The following DENND2C variants were observed in gnomAD, a reference collection of about 807,000 sequenced individuals.
The protein encoded by DENND2C is DENN domain containing 2C.
A neutral mutation model predicts 112.4 loss-of-function variants in DENND2C; 72 were observed. That is an observed-to-expected ratio of 0.64 (90% CI 0.53 to 0.78). The LOEUF (loss-of-function observed/expected upper bound fraction) is 0.78. DENND2C is among the 30% of genes least tolerant of loss of function. The pLI is 0.00. For synonymous variants in DENND2C, 329 were observed against 381.6 expected (o/e 0.86, Z 1.61); for missense variants, 992 against 1,113.8 (o/e 0.89, Z 1.56).
intron 3 of DENND2C, among the ~76,000 whole-genome samples, chr1:114,637,496 C>A (rs563721430): frequency 6.6e-6 from 1 of 151,872 alleles, no homozygotes; most frequent in South Asian, 2.1e-4. Flanking sequence ...AGATATTACA[C>A]ATTAATGTAC....
chr1:114,631,347 G>A (rs1454677250), intron 3 of DENND2C, among the ~76,000 whole-genome samples: 1 of 151,914 alleles, frequency 6.6e-6, no homozygotes, highest in African/African-American at 2.4e-5. Context: ...AAGCCTTGGC[G>A]ACAGAGCAAG....
intron 3 of DENND2C, among the ~76,000 whole-genome samples, chr1:114,642,224 T>C (rs186804045): frequency 2.0e-4 from 31 of 152,326 alleles, no homozygotes; most frequent in Non-Finnish European, 1.5e-4. Flanking sequence ...GTGCTAGGAT[T>C]ACAGGTGTGA....
intron 3 of DENND2C, among the ~76,000 whole-genome samples, chr1:114,629,203 C>A (rs1656423549): frequency 6.6e-6 from 1 of 152,170 alleles, no homozygotes; most frequent in Non-Finnish European, 1.5e-5. Context: ...AATGGACAAT[C>A]TCAACAAAAG....
chr1:114,621,270 A>T (rs977994108), intron 7 of DENND2C, among the ~76,000 whole-genome samples: 4 of 152,104 alleles, frequency 2.6e-5, no homozygotes, highest in African/African-American at 9.7e-5. Context: ...AAAATAAGTA[A>T]ATAAATAAGA....
chr1:114,608,554 GCCACCAGAT>G, intron 10 of DENND2C, 123 bp downstream of exon 10: 1 of 999,832 alleles, frequency 1.0e-6, no homozygotes, highest in Non-Finnish European at 1.4e-6. Context: ...TGTTTTCAAA[GCCACCAGAT>G]CCTACCACAA....
At chr1:114,643,841 T>C (rs1229781404) in intron 3 of DENND2C, among the ~76,000 whole-genome samples, 2 of 34,238 alleles carry the variant, frequency 5.8e-5, no homozygotes, top group African/African-American at 3.3e-4. Context: ...TGAAAAATGA[T>C]AGCTGACATA....
intron 8 of DENND2C, 70 bp from the exon 9 acceptor site, chr1:114,611,187 T>A: frequency 6.4e-7 from 1 of 1,564,990 alleles, no homozygotes; most frequent in Non-Finnish European, 8.8e-7. Context: ...GAGAACAATG[T>A]AAACCCACAA....
intron 1 of DENND2C, among the ~76,000 whole-genome samples, chr1:114,663,572 A>C (rs562531170): frequency 1.2e-4 from 19 of 152,334 alleles, no homozygotes; most frequent in African/African-American, 4.6e-4. Context: ...TACGAATTCA[A>C]ATATTTCAAA....
rs569351875 is a variant in DENND2C, at chr1:114,646,149, G to T, written c.-316-590C>A. On this transcript the variant is annotated intron_variant, in intron 2 of 20. Transcript: ENST00000393274. ...TCACCATGTTAGCCAGGATGGTCTC[G>T]ATCTCCTGACCTTGTGATCCGCCTG... 1.1e-3 allele frequency among the ~76,000 whole-genome samples: 169 copies of T among 152,068 alleles called. 1 individual carries two copies. Among genetic ancestry groups the T allele is most frequent in the African/African-American group, 3.8e-3 (159 of 41,490 alleles).
chr1:114,667,052 G>C (rs1657665780), intron 1 of DENND2C, among the ~76,000 whole-genome samples: 1 of 152,090 alleles, frequency 6.6e-6, no homozygotes, highest in African/African-American at 2.4e-5. Flanking sequence ...CAGTACAATG[G>C]ACTACAACAC....
intron 7 of DENND2C, among the ~76,000 whole-genome samples, chr1:114,621,644 T>C (rs1656169546): frequency 6.6e-6 from 1 of 152,170 alleles, no homozygotes; most frequent in African/African-American, 2.4e-5. Context: ...ACGATTTTAA[T>C]GAGAGCTAAG....
At chr1:114,656,964 TG>T (rs1339006932) in intron 1 of DENND2C, among the ~76,000 whole-genome samples, 15 of 151,830 alleles carry the variant, frequency 9.9e-5, no homozygotes, top group African/African-American at 3.6e-4. Context: ...TTGGCCAGGC[TG>T]GTCTCGAACT....
At chr1:114,626,335 C>T (rs1039614154) in intron 3 of DENND2C, 147 bp from the exon 4 acceptor site, 2 of 185,262 alleles carry the variant, frequency 1.1e-5, no homozygotes, top group African/African-American at 4.7e-5. Flanking sequence ...AATTCAACTA[C>T]ATAAAGGCAC....
chr1:114,608,897 G>A, intron 9 of DENND2C, 24 bp from the exon 10 acceptor site: 1 of 1,613,094 alleles, frequency 6.2e-7, no homozygotes, highest in African/African-American at 1.3e-5. Flanking sequence ...ATGGAGAAAT[G>A]TTTTTTTCTC....
rs1224739987 is a variant in DENND2C, at chr1:114,616,125, C to T, written c.1324+2261G>A. Among the ~76,000 whole-genome samples the T allele has an allele frequency of 2.6e-5, 4 of 151,574 alleles. No individual in the cohort carries two copies. In the South Asian group the frequency reaches 6.3e-4, roughly 24 times the overall value. ...AAAATTCTGGCCAGGTATGGTGGCT[C>T]ATGCCTGTAATCCTAGCACTCTGGG... On this transcript the variant is annotated intron_variant, in intron 8 of 20. Coordinates refer to ENST00000393274, the MANE Select transcript of DENND2C (RefSeq NM_001256404.2).
chr1:114,629,694 T>C (rs1303792132), intron 3 of DENND2C, among the ~76,000 whole-genome samples: 1 of 152,242 alleles, frequency 6.6e-6, no homozygotes, highest in Non-Finnish European at 1.5e-5. Flanking sequence ...CCAAGAAATA[T>C]ACCAACTGTA....
rs1242850619 is a variant in DENND2C at position 114,625,487 on chromosome 1, TA to T, written c.497del (p.Leu166Ter). The T allele has an allele frequency of 2.5e-6, 4 of 1,614,052 alleles. No individual in the cohort carries two copies. The African/African-American group carries it at 5.3e-5, about 22-fold the overall frequency. ...CTTTTTCTGAAGAGTCACAATGTTC[TA>T]AAGCCAAATTTAAGAGTTTATCTGG... ...LPPDKLLNLALEHCDSSEKEL... is the reference protein window; with the variant it reads ...LPPDKLLNLAXEHCDSSEKEL... On this transcript the variant is annotated frameshift_variant, in exon 4 of 21. Coordinates refer to ENST00000393274, the MANE Select transcript of DENND2C (RefSeq NM_001256404.2). LOFTEE classifies it high-confidence loss of function.
chr1:114,588,745 T>C (rs1225489589), intron 18 of DENND2C, among the ~76,000 whole-genome samples: 2 of 152,220 alleles, frequency 1.3e-5, no homozygotes, highest in African/African-American at 4.8e-5. Flanking sequence ...TATTCCCATT[T>C]TTTTAAATAA....
At chr1:114,634,899 G>A (rs2101675666) in intron 3 of DENND2C, among the ~76,000 whole-genome samples, 1 of 151,798 alleles carries the variant, frequency 6.6e-6, no homozygotes, top group Non-Finnish European at 1.5e-5. Context: ...GAGGTGTCAT[G>A]CACCTGTAAT....
Sources: allele counts gnomAD v4.1 joint callset (sites outside exome capture counted in the v4.1 genomes callset), GRCh38; gene constraint gnomAD v4.1.1; transcripts MANE v1.5; gene names NCBI Gene and HGNC (gene_info 2026-07-23, HGNC 2026-07-21).